RALGAPA2: variants seen among roughly 807,000 people sequenced by gnomAD.
RALGAPA2 encodes the protein ral GTPase-activating protein subunit alpha-2.
Under a neutral mutation model 230.4 loss-of-function variants are expected in RALGAPA2, and 139 were observed. The ratio of observed to expected loss-of-function variants is 0.60; its 90% CI spans 0.53 to 0.69. The LOEUF is 0.69. Ranked by LOEUF, RALGAPA2 falls within the 30% of genes least tolerant of loss-of-function variation. The probability of loss-of-function intolerance (pLI) is 0.00; values close to 1 mark genes in which losing one functional copy is unlikely to be tolerated. For synonymous variants in RALGAPA2, 847 were observed against 837.8 expected (o/e 1.01, Z -0.19); for missense variants, 2,163 against 2,276.0 (o/e 0.95, Z 1.01).
chr20:20,468,878 G>A (rs577030044), intron 37 of RALGAPA2, among the ~76,000 whole-genome samples: 72 of 151,870 alleles, frequency 4.7e-4, no homozygotes, highest in Admixed American at 9.8e-4. Context: ...TGCCTTCGAC[G>A]AGACCCCTGC....
chr20:20,703,183 A>G (rs1306136802), intron 1 of RALGAPA2, among the ~76,000 whole-genome samples: 1 of 152,252 alleles, frequency 6.6e-6, no homozygotes, highest in East Asian at 1.9e-4. Context: ...AAAAAAAAAA[A>G]GAGATTACAA....
intron 39 of RALGAPA2, among the ~76,000 whole-genome samples, chr20:20,396,121 T>C (rs1569356759): frequency 6.6e-6 from 1 of 152,192 alleles, no homozygotes; most frequent in South Asian, 2.1e-4. Flanking sequence ...AGGTCACACC[T>C]GCCATGGCCA....
intron 26 of RALGAPA2, among the ~76,000 whole-genome samples, chr20:20,534,377 G>A (rs570908462): frequency 1.7e-3 from 261 of 152,018 alleles, no homozygotes; most frequent in African/African-American, 5.9e-3. Flanking sequence ...CCCGGGAGGT[G>A]GAGTTTGCAG....
chr20:20,571,649 C>A, intron 22 of RALGAPA2, 36 bp from the exon 23 acceptor site: 1 of 1,590,834 alleles, frequency 6.3e-7, no homozygotes, highest in Non-Finnish European at 8.6e-7. Context: ...TTAAATCAAG[C>A]CCAGGTGCAG....
In RALGAPA2 at chr20:20,591,386, C is replaced by T. The variant is rs1196730749; in HGVS notation, c.2204-72G>A. On this transcript the variant is annotated intron_variant, in intron 16 of 39. Coordinates refer to ENST00000202677, the MANE Select transcript of RALGAPA2 (RefSeq NM_020343.4). ...AAAACACATTCACCACTTAAAACAA[C>T]CGATTTAAAAAATAAAGTTTCAAAT... 5.5e-6 allele frequency: 8 copies of T among 1,453,462 alleles called. No individual in the cohort carries two copies. In the South Asian group the frequency reaches 7.7e-5, roughly 14 times the overall value. The allele number at this position is 1,453,462 out of a possible 1,614,324, so 90.0% of individuals were successfully genotyped here.
chr20:20,547,467 T>C (rs1215948638), intron 23 of RALGAPA2, among the ~76,000 whole-genome samples: 1 of 152,224 alleles, frequency 6.6e-6, no homozygotes, highest in Non-Finnish European at 1.5e-5. Flanking sequence ...CCCAGACATC[T>C]TGTGTTCCTG....
intron 35 of RALGAPA2, 81 bp from the exon 36 acceptor site, chr20:20,495,356 A>G: frequency 7.8e-7 from 1 of 1,274,974 alleles, no homozygotes; most frequent in Non-Finnish European, 1.0e-6. Context: ...ATTGAATTAT[A>G]AAACTCAAAG....
At position 20,653,538 on chromosome 20, in the gene RALGAPA2, T is replaced by C. The variant is rs555974123; in HGVS notation, c.320A>G (p.Gln107Arg). The change falls in exon 4 of 40, where the codon CAG becomes CGG. Residue 107 changes from glutamine (Q) to arginine (R), a missense_variant. Coordinates refer to ENST00000202677, the MANE Select transcript of RALGAPA2 (RefSeq NM_020343.4). The part of the protein sequence containing the change: ...PERIFFRWHY[Q>R]SIGSTLKKLL... ...TTTTTAATTGTTCTTACCTATACTC[T>C]GGTAATGCCATCGAAAGAAAATTCG... 1.3e-6 allele frequency: 2 copies of C among 1,494,970 alleles called. No homozygotes were observed. The highest frequency in any genetic ancestry group is 2.5e-5 in the East Asian group (1 of 40,514). The allele number at this position is 1,494,970 out of a possible 1,614,324, so 92.6% of individuals were successfully genotyped here.
intron 11 of RALGAPA2, among the ~76,000 whole-genome samples, 188 bp downstream of exon 11, chr20:20,620,275 T>A (rs982883078): frequency 6.6e-6 from 1 of 152,098 alleles, no homozygotes; most frequent in African/African-American, 2.4e-5. Context: ...TGACTGCCAA[T>A]CTAGAATGGG....
chr20:20,524,322 T>G, intron 30 of RALGAPA2, 84 bp downstream of exon 30: 2 of 1,526,134 alleles, frequency 1.3e-6, no homozygotes, highest in Non-Finnish European at 1.8e-6. Context: ...CAATGACAAA[T>G]AAGTACATGC....
At chr20:20,405,860 C>CACACATCTGTGGTCTAGAG (rs1318774995) in intron 38 of RALGAPA2, among the ~76,000 whole-genome samples, 3 of 152,278 alleles carry the variant, frequency 2.0e-5, no homozygotes, top group Non-Finnish European at 4.4e-5. Context: ...GCATCAGGCC[C>CACACATCTGTGGTCTAGAG]ACACATCTGT....
chr20:20,539,217 G>A (rs563082674), intron 24 of RALGAPA2, among the ~76,000 whole-genome samples: 1 of 151,918 alleles, frequency 6.6e-6, no homozygotes, highest in African/African-American at 2.4e-5. Flanking sequence ...CTGCCTCAGT[G>A]GGGCAGTCCT....
At chr20:20,448,114 G>A (rs2060905832) in intron 37 of RALGAPA2, among the ~76,000 whole-genome samples, 1 of 152,172 alleles carries the variant, frequency 6.6e-6, no homozygotes, top group African/African-American at 2.4e-5. Flanking sequence ...TTGGATGGGG[G>A]TAAGTAAAAA....
intron 27 of RALGAPA2, among the ~76,000 whole-genome samples, chr20:20,530,060 T>G (rs1174207800): frequency 6.6e-6 from 1 of 152,248 alleles, no homozygotes; most frequent in Admixed American, 6.5e-5. Context: ...CTTTAATAAA[T>G]TATATGTAAA....
intron 37 of RALGAPA2, among the ~76,000 whole-genome samples, chr20:20,458,531 T>C (rs6082003): frequency 7.3e-6 from 1 of 137,468 alleles, no homozygotes; most frequent in African/African-American, 2.7e-5. Flanking sequence ...TTATATATAT[T>C]ATATATAATA....
At chr20:20,561,772 C>G (rs1329457643) in intron 23 of RALGAPA2, among the ~76,000 whole-genome samples, 1 of 152,182 alleles carries the variant, frequency 6.6e-6, no homozygotes, top group Non-Finnish European at 1.5e-5. Flanking sequence ...TAGCTCTTTT[C>G]TTAGGACAAT....
intron 39 of RALGAPA2, among the ~76,000 whole-genome samples, chr20:20,395,435 A>C (rs747866184): frequency 5.9e-5 from 9 of 152,224 alleles, no homozygotes; most frequent in Non-Finnish European, 1.3e-4. Context: ...CCAAGGATTT[A>C]TTCACAGGAC....
At chr20:20,485,141 G>C (rs900809429) in intron 36 of RALGAPA2, among the ~76,000 whole-genome samples, 2 of 150,918 alleles carry the variant, frequency 1.3e-5, no homozygotes, top group African/African-American at 4.9e-5. Context: ...TTTCCAATGT[G>C]GCCCTTGGGA....
At chr20:20,602,187 T>C (rs2065674749) in intron 15 of RALGAPA2, among the ~76,000 whole-genome samples, 1 of 152,154 alleles carries the variant, frequency 6.6e-6, no homozygotes, top group Non-Finnish European at 1.5e-5. Context: ...CCCAGGACAC[T>C]CCAAAAACCA....
Sources: gnomAD v4.1 joint callset for allele counts (sites outside exome capture counted in the v4.1 genomes callset) on GRCh38, gnomAD v4.1.1 for gene constraint, MANE v1.5 for transcripts, NCBI Gene and HGNC (gene_info 2026-07-23, HGNC 2026-07-21) for gene names.